Variants in PRKN observed in about 807,000 individuals in gnomAD.
The protein encoded by PRKN is E3 ubiquitin-protein ligase parkin.
Under a neutral mutation model 59.5 loss-of-function variants are expected in PRKN, and 56 were observed. The observed-to-expected ratio is 0.94, with a 90% CI of 0.76 to 1.18. The LOEUF (loss-of-function observed/expected upper bound fraction) is 1.18. PRKN is among the 50% of genes most tolerant of loss of function. The pLI, the probability that PRKN is intolerant of heterozygous loss-of-function variation, is 0.00. For missense variants in PRKN, 657 were observed against 596.4 expected (o/e 1.10, Z -1.06); for synonymous variants, 250 against 222.1 (o/e 1.13, Z -1.12).
At chr6:162,203,574 C>G (rs1784821564) in intron 3 of PRKN, among the ~76,000 whole-genome samples, 1 of 152,140 alleles carries the variant, frequency 6.6e-6, no homozygotes, top group South Asian at 2.1e-4. Context: ...GGCATGAAAA[C>G]AAATAACACC....
chr6:161,881,981 A>C (rs955998138), intron 6 of PRKN, among the ~76,000 whole-genome samples: 4 of 152,124 alleles, frequency 2.6e-5, no homozygotes, highest in African/African-American at 9.7e-5. Flanking sequence ...CCCCCACCTG[A>C]GTTTTAAAAT....
At chr6:161,916,754 T>C (rs1778572931) in intron 6 of PRKN, among the ~76,000 whole-genome samples, 2 of 152,344 alleles carry the variant, frequency 1.3e-5, no homozygotes, top group South Asian at 4.1e-4. Context: ...ATTACACAGA[T>C]AGTATAAACA....
intron 7 of PRKN, among the ~76,000 whole-genome samples, chr6:161,684,903 A>C (rs1267704586): frequency 1.3e-5 from 2 of 152,154 alleles, no homozygotes; most frequent in Non-Finnish European, 2.9e-5. Context: ...CTCTTACACC[A>C]CATCTCCATC....
chr6:161,976,734 CCT>C (rs778761700), intron 5 of PRKN, among the ~76,000 whole-genome samples: 44 of 152,166 alleles, frequency 2.9e-4, no homozygotes, highest in Admixed American at 2.7e-3. Flanking sequence ...TGAAAAAAAT[CCT>C]CTTTCAAAAC....
intron 7 of PRKN, among the ~76,000 whole-genome samples, chr6:161,781,289 T>C (rs1790194640): frequency 6.6e-6 from 1 of 152,170 alleles, no homozygotes; most frequent in Admixed American, 6.5e-5. Flanking sequence ...TTTCTATGAG[T>C]ATTATATTTA....
chr6:161,720,718 GA>G (rs1434712331), intron 7 of PRKN, among the ~76,000 whole-genome samples: 1 of 151,868 alleles, frequency 6.6e-6, no homozygotes, highest in East Asian at 1.9e-4. Flanking sequence ...TTTCAAAATA[GA>G]AAATTCTACA....
intron 4 of PRKN, among the ~76,000 whole-genome samples, chr6:162,187,894 T>G (rs190226508): frequency 6.6e-6 from 1 of 152,126 alleles, no homozygotes; most frequent in Non-Finnish European, 1.5e-5. Context: ...GACATTAATA[T>G]GGTTTGGCTG....
At chr6:162,101,658 C>T (rs771984770) in intron 4 of PRKN, among the ~76,000 whole-genome samples, 17 of 151,280 alleles carry the variant, frequency 1.1e-4, no homozygotes, top group African/African-American at 7.3e-5. Context: ...GGCAACAGAG[C>T]GAGACTCCGT....
At position 161,475,837 on chromosome 6, in the gene PRKN, T is replaced by G. The variant is rs1791038816; in HGVS notation, c.1083+73017A>C. Among the ~76,000 whole-genome samples the G allele has an allele frequency of 6.6e-6, 1 of 152,160 alleles. No individual in the cohort carries two copies. The highest frequency in any genetic ancestry group is 2.1e-4 in the South Asian group (1 of 4,836). On this transcript the variant is annotated intron_variant, in intron 9 of 11. Transcript: ENST00000366898. The surrounding 1 kb of genome is among the most constrained non-coding windows in gnomAD (Gnocchi z 5.3). ...TTAAAAACCATGAATTTCTTTTTAT[T>G]ACTCTGATAACTGCATTTTCCTTTC... is the stretch of plus-strand genomic sequence containing the variant.
At chr6:162,576,810 C>CA (rs573857313) in intron 1 of PRKN, among the ~76,000 whole-genome samples, 28,450 of 92,236 alleles carry the variant, frequency 0.31, 4,211 homozygotes, top group Non-Finnish European at 0.38. Context: ...GAGACTCCGT[C>CA]AAAAAAAAAA....
chr6:162,604,697 CTTTT>C (rs35730217), intron 1 of PRKN, among the ~76,000 whole-genome samples: 1 of 135,228 alleles, frequency 7.4e-6, no homozygotes, highest in African/African-American at 2.8e-5. Context: ...TTTCTCTCTC[CTTTT>C]TTTTTTTTTT....
At chr6:161,880,624 G>A (rs919063820) in intron 6 of PRKN, among the ~76,000 whole-genome samples, 5 of 152,148 alleles carry the variant, frequency 3.3e-5, no homozygotes, top group African/African-American at 1.2e-4. Flanking sequence ...AGGTTTGGCT[G>A]CTCCTGGCTT....
chr6:162,290,307 T>C (rs913225471), intron 2 of PRKN, among the ~76,000 whole-genome samples: 1 of 152,334 alleles, frequency 6.6e-6, no homozygotes, highest in Middle Eastern at 3.4e-3. Flanking sequence ...TAAGACTTCA[T>C]TGAATAAGTT....
intron 2 of PRKN, among the ~76,000 whole-genome samples, chr6:162,405,819 A>G (rs1206104512): frequency 6.6e-6 from 1 of 152,170 alleles, no homozygotes; most frequent in African/African-American, 2.4e-5. Flanking sequence ...GGCACTGTGC[A>G]CTCAGAGTAA....
intron 5 of PRKN, among the ~76,000 whole-genome samples, chr6:162,003,812 T>G (rs1474597157): frequency 1.3e-5 from 2 of 152,168 alleles, no homozygotes; most frequent in Admixed American, 1.3e-4. Context: ...TAAAAGTCAA[T>G]TAGGTCCTGT....
chr6:162,120,226 A>G (rs1449664500), intron 4 of PRKN, among the ~76,000 whole-genome samples: 3 of 151,952 alleles, frequency 2.0e-5, no homozygotes, highest in Non-Finnish European at 4.4e-5. Context: ...CTGGTATGGA[A>G]CTCCTGGGCT....
intron 2 of PRKN, among the ~76,000 whole-genome samples, chr6:162,297,654 G>C (rs1781742634): frequency 6.6e-6 from 1 of 151,842 alleles, no homozygotes; most frequent in East Asian, 1.9e-4. Flanking sequence ...TGTTCTCAGA[G>C]TAACAGAAAA....
chr6:161,696,200 G>T (rs1786016788), intron 7 of PRKN, among the ~76,000 whole-genome samples: 2 of 152,126 alleles, frequency 1.3e-5, no homozygotes, highest in Admixed American at 1.3e-4. Context: ...ATAGAATTTT[G>T]GAAAACCATT....
chr6:161,439,987 GC>G (rs1789126680), intron 9 of PRKN, among the ~76,000 whole-genome samples: 1 of 149,798 alleles, frequency 6.7e-6, no homozygotes, highest in Non-Finnish European at 1.5e-5. Flanking sequence ...GTCTCACTCT[GC>G]CGCCCAGGCT....
Sources: allele counts gnomAD v4.1 joint callset (sites outside exome capture counted in the v4.1 genomes callset), GRCh38; gene constraint gnomAD v4.1.1; non-coding constraint Gnocchi (gnomAD v3.1); transcripts MANE v1.5; gene names NCBI Gene and HGNC (gene_info 2026-07-23, HGNC 2026-07-21).